HS2ST1: variants seen among roughly 807,000 people sequenced by gnomAD.
The protein encoded by HS2ST1 is heparan sulfate 2-O-sulfotransferase 1.
In HS2ST1, 18 loss-of-function variants were observed where a neutral mutation model predicts 42.9. That is an observed-to-expected ratio of 0.42 (90% CI 0.29 to 0.62). HS2ST1 has a LOEUF of 0.62. HS2ST1 is among the 20% of genes least tolerant of loss of function. The pLI is 0.21. For missense variants in HS2ST1, 334 were observed against 433.8 expected (o/e 0.77, Z 2.04); for synonymous variants, 146 against 152.9 (o/e 0.95, Z 0.33).
intron 1 of HS2ST1, among the ~76,000 whole-genome samples, chr1:86,954,824 G>T (rs2753272): frequency 0.24 from 36,541 of 152,042 alleles, 5,190 homozygotes; most frequent in African/African-American, 0.39. Context: ...GAATAGAAAG[G>T]CCAGATGATA....
chr1:86,932,864 A>C (rs554584524), intron 1 of HS2ST1, among the ~76,000 whole-genome samples: 94 of 152,306 alleles, frequency 6.2e-4, no homozygotes, highest in African/African-American at 2.1e-3. Flanking sequence ...TGGGGCAAAA[A>C]AATATTCTTC....
intron 1 of HS2ST1, among the ~76,000 whole-genome samples, chr1:86,916,202 G>A (rs1326710496): frequency 6.6e-6 from 1 of 152,170 alleles, no homozygotes; most frequent in Non-Finnish European, 1.5e-5. Flanking sequence ...ATTTAAAAAT[G>A]TACATGGCAC....
At chr1:86,987,145 C>T (rs1648811523) in intron 1 of HS2ST1, among the ~76,000 whole-genome samples, 1 of 148,096 alleles carries the variant, frequency 6.8e-6, no homozygotes, top group Non-Finnish European at 1.5e-5. Context: ...TCTTGACTCA[C>T]TGCAACCTCC....
intron 1 of HS2ST1, among the ~76,000 whole-genome samples, chr1:86,953,740 C>G (rs571634179): frequency 2.0e-5 from 3 of 152,172 alleles, no homozygotes; most frequent in African/African-American, 7.2e-5. Context: ...TCCTGGGTGA[C>G]AGAGTGAGAC....
chr1:87,017,053 G>C (rs1335253127), intron 1 of HS2ST1, among the ~76,000 whole-genome samples: 1 of 152,086 alleles, frequency 6.6e-6, no homozygotes, highest in Non-Finnish European at 1.5e-5. Flanking sequence ...GACTGAATGA[G>C]GTTTCTAGGC....
intron 2 of HS2ST1, among the ~76,000 whole-genome samples, chr1:87,079,057 CAT>C (rs1039864469): frequency 2.0e-5 from 3 of 151,882 alleles, no homozygotes; most frequent in Non-Finnish European, 4.4e-5. Context: ...GGGAGTTACT[CAT>C]ATTATTTCCT....
chr1:87,081,518 G>A (rs1477211103), intron 2 of HS2ST1, among the ~76,000 whole-genome samples: 2 of 152,292 alleles, frequency 1.3e-5, no homozygotes, highest in South Asian at 2.1e-4. Flanking sequence ...CTTCCAAAAT[G>A]TATGGGATAC....
chr1:86,940,050 G>T (rs970995607), intron 1 of HS2ST1, among the ~76,000 whole-genome samples: 2 of 151,842 alleles, frequency 1.3e-5, no homozygotes, highest in African/African-American at 4.8e-5. Flanking sequence ...TGCCTTCTAG[G>T]TTTTTTTTCT....
intron 3 of HS2ST1, among the ~76,000 whole-genome samples, chr1:87,089,430 ATGG>A (rs1448577241): frequency 1.3e-5 from 2 of 152,042 alleles, no homozygotes; most frequent in Non-Finnish European, 2.9e-5. Flanking sequence ...GCTAGTAGAA[ATGG>A]GTTTTTATTC....
At chr1:87,005,136 T>C (rs1295547328) in intron 1 of HS2ST1, among the ~76,000 whole-genome samples, 3 of 152,218 alleles carry the variant, frequency 2.0e-5, no homozygotes, top group Non-Finnish European at 4.4e-5. Flanking sequence ...CTTTTAAAGT[T>C]GATATCTTTT....
At chr1:87,055,491 G>A (rs1413592387) in intron 1 of HS2ST1, among the ~76,000 whole-genome samples, 1 of 152,032 alleles carries the variant, frequency 6.6e-6, no homozygotes, top group Non-Finnish European at 1.5e-5. Context: ...TCCTCACTAT[G>A]TCTTCAGGCC....
intron 1 of HS2ST1, among the ~76,000 whole-genome samples, chr1:86,967,963 G>C (rs1406655895): frequency 6.6e-6 from 1 of 152,152 alleles, no homozygotes; most frequent in East Asian, 1.9e-4. Context: ...AACATGTATT[G>C]TTTTATGACT....
At chr1:87,030,385 A>G (rs1272708815) in intron 1 of HS2ST1, among the ~76,000 whole-genome samples, 3 of 152,032 alleles carry the variant, frequency 2.0e-5, no homozygotes, top group Admixed American at 6.6e-5. Context: ...GTAGTCCTAG[A>G]TACTTGGGAG....
At chr1:87,082,131 A>G (rs1309119260) in intron 2 of HS2ST1, among the ~76,000 whole-genome samples, 1 of 152,238 alleles carries the variant, frequency 6.6e-6, no homozygotes, top group African/African-American at 2.4e-5. Context: ...CTATATGCCA[A>G]TAAATTGGAA....
chr1:87,071,604 C>G (rs2100633498), intron 1 of HS2ST1, among the ~76,000 whole-genome samples: 1 of 151,900 alleles, frequency 6.6e-6, no homozygotes, highest in East Asian at 1.9e-4. Flanking sequence ...TGGCGGGTGC[C>G]TGTAATCCCA....
At chr1:87,096,943 G>C (rs909916649) in intron 4 of HS2ST1, among the ~76,000 whole-genome samples, 2 of 152,186 alleles carry the variant, frequency 1.3e-5, no homozygotes, top group African/African-American at 4.8e-5. Flanking sequence ...TGGCACAAAT[G>C]ATAATAAAAC....
chr1:86,932,420 T>C (rs888114659), intron 1 of HS2ST1: 1 of 152,104 alleles, frequency 6.6e-6, no homozygotes, highest in African/African-American at 2.4e-5. Context: ...TTTCATATAA[T>C]TCATGTAATA....
At chr1:86,986,579 A>G (rs1241670779) in intron 1 of HS2ST1, among the ~76,000 whole-genome samples, 1 of 152,244 alleles carries the variant, frequency 6.6e-6, no homozygotes, top group African/African-American at 2.4e-5. Flanking sequence ...TGGATTATCT[A>G]CATTGCCCAG....
rs938220757 is a variant in HS2ST1 at position 87,104,866 on chromosome 1, C to T, written c.*170C>T. 63 of 550,430 alleles carry T rather than the reference C, an allele frequency of 1.1e-4. No individual in the cohort carries two copies. Among genetic ancestry groups the T allele is most frequent in the African/African-American group, 1.1e-3 (60 of 52,754 alleles). 34.1% of individuals were successfully genotyped at this position (550,430 alleles called of 1,614,324 possible). On this transcript the variant is annotated 3_prime_UTR_variant, in exon 7 of 7. Transcript: ENST00000370550. ...GGAAGTAGATACTGGCTGGCATTGTCAGTGTTCTAAGTTTCAGGCATTTTT... is the reference window on the plus strand; with the variant it reads ...GGAAGTAGATACTGGCTGGCATTGTTAGTGTTCTAAGTTTCAGGCATTTTT...
Sources: allele counts gnomAD v4.1 joint callset (sites outside exome capture counted in the v4.1 genomes callset), GRCh38; gene constraint gnomAD v4.1.1; transcripts MANE v1.5; gene names NCBI Gene and HGNC (gene_info 2026-07-23, HGNC 2026-07-21).